Variants in FRMD5 observed in about 807,000 individuals in gnomAD.
The protein encoded by FRMD5 is FERM domain-containing protein 5.
In FRMD5, 20 loss-of-function variants were observed where a neutral mutation model predicts 69.0. The observed-to-expected ratio is 0.29, with a 90% confidence interval of 0.20 to 0.42. The LOEUF is 0.42. FRMD5 is among the 10% of genes least tolerant of loss of function. The pLI, the probability that FRMD5 is intolerant of heterozygous loss-of-function variation, is 1.00. For synonymous variants in FRMD5, 271 were observed against 260.1 expected (o/e 1.04, Z -0.40); for missense variants, 595 against 708.6 (o/e 0.84, Z 1.82).
At chr15:44,088,089 C>T (rs1894280030) in intron 1 of FRMD5, among the ~76,000 whole-genome samples, 1 of 152,144 alleles carries the variant, frequency 6.6e-6, no homozygotes, top group South Asian at 2.1e-4. Flanking sequence ...AGGTCCTGTT[C>T]TCCAAGAAAG....
At chr15:43,945,615 C>A (rs1273113277) in intron 1 of FRMD5, among the ~76,000 whole-genome samples, 2 of 152,118 alleles carry the variant, frequency 1.3e-5, no homozygotes, top group Non-Finnish European at 1.5e-5. Flanking sequence ...ACAAAAACAC[C>A]ACATGGAACT....
intron 1 of FRMD5, among the ~76,000 whole-genome samples, chr15:44,114,153 G>A (rs1191749378): frequency 6.6e-6 from 1 of 152,136 alleles, no homozygotes; most frequent in Non-Finnish European, 1.5e-5. Flanking sequence ...TATAAAGAAT[G>A]TATTAACAGA....
chr15:44,098,306 C>T (rs771474569), intron 1 of FRMD5, among the ~76,000 whole-genome samples: 1 of 152,030 alleles, frequency 6.6e-6, no homozygotes, highest in African/African-American at 2.4e-5. Context: ...GCGGGCAGAT[C>T]ACGAGGTCAA....
intron 1 of FRMD5, among the ~76,000 whole-genome samples, chr15:44,188,223 G>A (rs2078135474): frequency 6.6e-6 from 1 of 152,050 alleles, no homozygotes; most frequent in Non-Finnish European, 1.5e-5. Flanking sequence ...GCATCAAACT[G>A]GTATAATGAC....
intron 1 of FRMD5, among the ~76,000 whole-genome samples, chr15:44,143,441 G>A (rs2077303108): frequency 6.6e-6 from 1 of 151,754 alleles, no homozygotes; most frequent in Non-Finnish European, 1.5e-5. Flanking sequence ...ATAAGGAGAT[G>A]GGCATATAGC....
At chr15:44,116,483 C>A (rs1245955179) in intron 1 of FRMD5, among the ~76,000 whole-genome samples, 1 of 152,158 alleles carries the variant, frequency 6.6e-6, no homozygotes, top group Non-Finnish European at 1.5e-5. Context: ...AGGGCTACAA[C>A]AGCCAGAGAA....
rs890263237 is a variant in FRMD5 at position 44,173,685 on chromosome 15, TG to T, written c.102+21267del. Among the ~76,000 whole-genome samples, 268 of 152,170 alleles carry T rather than the reference TG, an allele frequency of 1.8e-3. 2 individuals carry two copies. Among genetic ancestry groups the T allele is most frequent in the African/African-American group, 6.3e-3 (260 of 41,520 alleles). ...GCCATCATGCCTGGCTAATTTTTTT[TG>T]TATCTGTAGTAGAGACAGGGTTTCA... On this transcript the variant is annotated intron_variant, in intron 1 of 13. Transcript: ENST00000417257.
intron 7 of FRMD5, among the ~76,000 whole-genome samples, chr15:43,893,085 C>T (rs570332438): frequency 5.7e-4 from 85 of 148,264 alleles, no homozygotes; most frequent in African/African-American, 2.0e-3. Context: ...GCCTGGGTGA[C>T]GGAGTGAGAC....
At chr15:44,142,612 C>G (rs1271238664) in intron 1 of FRMD5, among the ~76,000 whole-genome samples, 2 of 152,094 alleles carry the variant, frequency 1.3e-5, no homozygotes, top group Non-Finnish European at 2.9e-5. Flanking sequence ...TCTTTAAAAT[C>G]TATCATTCAC....
chr15:44,086,145 GGGATAT>G (rs1894188370), intron 1 of FRMD5, among the ~76,000 whole-genome samples: 1 of 152,046 alleles, frequency 6.6e-6, no homozygotes, highest in African/African-American at 2.4e-5. Flanking sequence ...AATTATACAA[GGGATAT>G]TAGAGTTTCC....
intron 1 of FRMD5, among the ~76,000 whole-genome samples, chr15:44,145,284 C>G (rs2077339482): frequency 6.6e-6 from 1 of 152,162 alleles, no homozygotes; most frequent in Non-Finnish European, 1.5e-5. Context: ...TGGAAAATGT[C>G]TTTTATGACA....
At chr15:44,175,076 T>A (rs1246552987) in intron 1 of FRMD5, among the ~76,000 whole-genome samples, 3 of 152,146 alleles carry the variant, frequency 2.0e-5, no homozygotes, top group East Asian at 3.9e-4. Context: ...TAAAATAAAA[T>A]TTTTTAAAAA....
chr15:44,157,709 C>G (rs1263123450), intron 1 of FRMD5, among the ~76,000 whole-genome samples: 1 of 152,262 alleles, frequency 6.6e-6, no homozygotes, highest in Non-Finnish European at 1.5e-5. Context: ...GTTTGTCTCA[C>G]TTCCTTTCTT....
chr15:44,119,563 AC>A (rs1260316951), intron 1 of FRMD5, among the ~76,000 whole-genome samples: 2 of 152,104 alleles, frequency 1.3e-5, no homozygotes, highest in Non-Finnish European at 2.9e-5. Context: ...GATATTTTAA[AC>A]CCTTATTTTT....
rs182746590 is a variant in FRMD5 at position 43,874,471 on chromosome 15, G to A, written c.1136-9C>T. On this transcript the variant is annotated splice_polypyrimidine_tract_variant and intron_variant, in intron 13 of 13. Coordinates refer to ENST00000417257, the MANE Select transcript of FRMD5 (RefSeq NM_032892.5). ...CCGTAAGGACTCTAGGCCTAGAAAGGCAAAAGGAACATGAGTAGGCTGTGT... is the reference window on the plus strand; with the variant it reads ...CCGTAAGGACTCTAGGCCTAGAAAGACAAAAGGAACATGAGTAGGCTGTGT... 6.2e-7 allele frequency: 1 copy of A among 1,609,608 alleles called. No individual in the cohort carries two copies. Among genetic ancestry groups the A allele is most frequent in the East Asian group, 2.2e-5 (1 of 44,846 alleles).
chr15:43,903,391 G>T (rs1179647119), intron 6 of FRMD5, among the ~76,000 whole-genome samples: 1 of 152,210 alleles, frequency 6.6e-6, no homozygotes, highest in East Asian at 1.9e-4. Context: ...CTCTGGAGAG[G>T]CATTAGTCAG....
chr15:44,185,927 GTC>G, intron 1 of FRMD5, among the ~76,000 whole-genome samples: 1 of 151,866 alleles, frequency 6.6e-6, no homozygotes, highest in Non-Finnish European at 1.5e-5. Flanking sequence ...TGTGTTTTTT[GTC>G]TGTTTGTTTG....
At chr15:44,090,392 G>C (rs2076454110) in intron 1 of FRMD5, among the ~76,000 whole-genome samples, 2 of 150,932 alleles carry the variant, frequency 1.3e-5, no homozygotes, top group South Asian at 4.2e-4. Flanking sequence ...TAAAATTAAA[G>C]ATAAAATGTT....
At chr15:43,963,531 A>C (rs1248009679) in intron 1 of FRMD5, among the ~76,000 whole-genome samples, 1 of 152,214 alleles carries the variant, frequency 6.6e-6, no homozygotes. Context: ...TAGAAATACC[A>C]TTTGACCCAG....
Sources: gnomAD v4.1 joint callset for allele counts (sites outside exome capture counted in the v4.1 genomes callset) on GRCh38, gnomAD v4.1.1 for gene constraint, MANE v1.5 for transcripts, NCBI Gene and HGNC (gene_info 2026-07-23, HGNC 2026-07-21) for gene names.